Variants in ALK observed in about 807,000 individuals in gnomAD.
ALK encodes the protein ALK tyrosine kinase receptor.
In ALK, 74 loss-of-function variants were observed where a neutral mutation model predicts 163.1. The ratio of observed to expected loss-of-function variants is 0.45; its 90% CI spans 0.38 to 0.55. The LOEUF is 0.55. Among genes scored for constraint, ALK ranks in the 20% least tolerant of loss-of-function variants. The probability of loss-of-function intolerance (pLI) is 0.00; values close to 1 mark genes in which losing one functional copy is unlikely to be tolerated. For synonymous variants in ALK, 960 were observed against 843.2 expected (o/e 1.14, Z -2.40); for missense variants, 2,063 against 2,105.3 (o/e 0.98, Z 0.39).
At chr2:29,617,754 C>T (rs989868115) in intron 3 of ALK, among the ~76,000 whole-genome samples, 3 of 152,200 alleles carry the variant, frequency 2.0e-5, no homozygotes, top group African/African-American at 7.2e-5. Context: ...ACTGCAGTGG[C>T]CCCATTGTAA....
At chr2:29,632,285 GTAT>G (rs1344332949) in intron 3 of ALK, among the ~76,000 whole-genome samples, 1 of 152,142 alleles carries the variant, frequency 6.6e-6, no homozygotes, top group African/African-American at 2.4e-5. Flanking sequence ...GGGAATGCAA[GTAT>G]TATGGAGTGA....
At chr2:29,236,543 C>T (rs1252612062) in intron 13 of ALK, among the ~76,000 whole-genome samples, 1 of 152,166 alleles carries the variant, frequency 6.6e-6, no homozygotes, top group Non-Finnish European at 1.5e-5. Context: ...GACCCATGCT[C>T]ATCCCCCGCA....
chr2:29,506,345 C>A (rs192186970), intron 4 of ALK, among the ~76,000 whole-genome samples: 3 of 152,124 alleles, frequency 2.0e-5, no homozygotes, highest in Non-Finnish European at 4.4e-5. Flanking sequence ...AATATGATCT[C>A]TAGTGGGGTA....
intron 24 of ALK, 70 bp from the exon 25 acceptor site, chr2:29,209,948 G>T: frequency 1.6e-6 from 2 of 1,235,692 alleles, no homozygotes; most frequent in Non-Finnish European, 2.4e-6. Context: ...CCATCACTAG[G>T]ATTTTATCTC....
chr2:29,511,144 A>G (rs1672499348), intron 4 of ALK, among the ~76,000 whole-genome samples: 1 of 152,190 alleles, frequency 6.6e-6, no homozygotes, highest in East Asian at 1.9e-4. Flanking sequence ...TGTGCAATAA[A>G]TGGTATCCAT....
At chr2:29,810,337 G>A (rs149050813) in intron 1 of ALK, among the ~76,000 whole-genome samples, 55 of 150,328 alleles carry the variant, frequency 3.7e-4, no homozygotes, top group East Asian at 2.4e-3. Context: ...CAGGAGAATC[G>A]CTTGAACCCG....
chr2:29,739,930 C>T (rs1032470260), intron 1 of ALK, among the ~76,000 whole-genome samples: 1 of 152,068 alleles, frequency 6.6e-6, no homozygotes, highest in Non-Finnish European at 1.5e-5. Flanking sequence ...AAGGATGCAA[C>T]TAGAAATGTG....
At chr2:29,547,607 A>G (rs116212941) in intron 3 of ALK, among the ~76,000 whole-genome samples, 2,316 of 152,344 alleles carry the variant, frequency 0.015, 61 homozygotes, top group African/African-American at 0.053. Context: ...AAACAAAAAC[A>G]AAAACAAATT....
chr2:29,604,084 G>C (rs969901085), intron 3 of ALK, among the ~76,000 whole-genome samples: 1 of 152,134 alleles, frequency 6.6e-6, no homozygotes, highest in Middle Eastern at 3.4e-3. Flanking sequence ...GTCTAGCACA[G>C]GGTGGGCAAA....
In ALK at chr2:29,409,731, T is replaced by A. The variant is rs74381941; in HGVS notation, c.1155-25872A>T. ...GTATTTTTGCTGAGTTTTGCCTTTC[T>A]TTACTAAGACTCTTATCTGTGTCCT... On this transcript the variant is annotated intron_variant, in intron 4 of 28. Transcript: ENST00000389048. 6.2e-4 allele frequency among the ~76,000 whole-genome samples: 95 copies of A among 152,322 alleles called. No individual in the cohort carries two copies. The East Asian group carries it at 0.017, about 28-fold the overall frequency.
intron 8 of ALK, among the ~76,000 whole-genome samples, chr2:29,309,984 C>T (rs1003929505): frequency 2.0e-5 from 3 of 152,316 alleles, no homozygotes; most frequent in Middle Eastern, 3.4e-3. Flanking sequence ...ATTCATCAAG[C>T]TTTGCAGAGA....
chr2:29,662,602 G>A (rs1031690613), intron 3 of ALK, among the ~76,000 whole-genome samples: 10 of 152,112 alleles, frequency 6.6e-5, no homozygotes, highest in Admixed American at 1.3e-4. Flanking sequence ...ATCATTAGGG[G>A]TGCTGGCTCC....
chr2:29,796,175 G>A (rs916275693), intron 1 of ALK, among the ~76,000 whole-genome samples: 1 of 152,140 alleles, frequency 6.6e-6, no homozygotes, highest in Non-Finnish European at 1.5e-5. Flanking sequence ...CTCTCTGCTA[G>A]GGAAGAGCTC....
At chr2:29,268,014 T>G (rs1397237960) in intron 11 of ALK, among the ~76,000 whole-genome samples, 1 of 152,186 alleles carries the variant, frequency 6.6e-6, no homozygotes, top group African/African-American at 2.4e-5. Flanking sequence ...AAGCTTTCAC[T>G]GAAACAAATG....
At chr2:29,676,322 CTG>C (rs1445433718) in intron 3 of ALK, among the ~76,000 whole-genome samples, 1 of 151,984 alleles carries the variant, frequency 6.6e-6, no homozygotes, top group Non-Finnish European at 1.5e-5. Context: ...TGGGTAGAAA[CTG>C]TATACTTTTG....
At chr2:29,713,555 C>A (rs1446281253) in intron 2 of ALK, among the ~76,000 whole-genome samples, 1 of 152,180 alleles carries the variant, frequency 6.6e-6, no homozygotes, top group African/African-American at 2.4e-5. Context: ...TTTAGCTAAA[C>A]ACCAGGTCAT....
rs781771386 is a variant in ALK at position 29,532,099 on chromosome 2, T to C, written c.970A>G (p.Asn324Asp). ...GTGTGCTTGGAGTCAGCTGAGGTGT[T>C]GAGAAGGAGAAAGGAGCCTGGAAAG... ...EMPRGSFLLLNTSADSKHTIL... is the reference protein window; with the variant it reads ...EMPRGSFLLLDTSADSKHTIL... The change falls in exon 4 of 29, where the codon AAC becomes GAC. Residue 324 changes from asparagine (N) to aspartate (D), a missense_variant. By Grantham distance (23) the Asn-to-Asp change is conservative. This residue lies in a region of ALK where 987 missense variants were observed against 939.5 expected (regional missense o/e 1.05). Coordinates refer to ENST00000389048, the MANE Select transcript of ALK (RefSeq NM_004304.5). 14 of 1,613,870 alleles carry C rather than the reference T, an allele frequency of 8.7e-6. No individual in the cohort carries two copies. The highest frequency in any genetic ancestry group is 1.2e-5 in the Non-Finnish European group (14 of 1,179,956).
intron 5 of ALK, among the ~76,000 whole-genome samples, chr2:29,342,519 A>C (rs34464061): frequency 6.6e-6 from 1 of 152,246 alleles, no homozygotes; most frequent in Non-Finnish European, 1.5e-5. Context: ...AATTGGTTGC[A>C]CAGTAATGTT....
chr2:29,228,433 G>C (rs147419940), intron 16 of ALK, among the ~76,000 whole-genome samples: 2 of 152,146 alleles, frequency 1.3e-5, no homozygotes, highest in Non-Finnish European at 2.9e-5. Flanking sequence ...AGTTGCCCTC[G>C]GGAATAGCTC....
Sources: allele counts gnomAD v4.1 joint callset (sites outside exome capture counted in the v4.1 genomes callset), GRCh38; gene constraint gnomAD v4.1.1; regional missense constraint gnomAD v4.1.1; transcripts MANE v1.5; gene names NCBI Gene and HGNC (gene_info 2026-07-23, HGNC 2026-07-21).